DDX60: variants seen among roughly 807,000 people sequenced by gnomAD.
DDX60 encodes the protein probable ATP-dependent RNA helicase DDX60.
DDX60 carries 165 observed loss-of-function variants against 212.8 expected under a neutral mutation model. The ratio of observed to expected loss-of-function variants is 0.78; its 90% CI spans 0.68 to 0.88. The LOEUF (loss-of-function observed/expected upper bound fraction) is 0.88, where lower values mean the gene tolerates loss of function less well. DDX60 is among the 40% of genes least tolerant of loss of function. DDX60 has a pLI of 0.00. For missense variants in DDX60, 1,905 were observed against 2,003.9 expected, an observed-to-expected ratio of 0.95 and a Z score of 0.94; for synonymous variants, 703 against 685.3, an observed-to-expected ratio of 1.03 and a Z score of -0.40.
At chr4:168,280,176 G>A (rs76290576) in intron 14 of DDX60, among the ~76,000 whole-genome samples, 159 bp downstream of exon 14, 2,525 of 152,230 alleles carry the variant, frequency 0.017, 53 homozygotes, top group African/African-American at 0.055. Flanking sequence ...ACATACCCCC[G>A]GCAGGTAGCG....
intron 5 of DDX60, among the ~76,000 whole-genome samples, 169 bp from the exon 6 acceptor site, chr4:168,302,585 TG>T (rs1481494070): frequency 2.2e-4 from 33 of 152,252 alleles, no homozygotes; most frequent in Non-Finnish European, 4.1e-4. Flanking sequence ...ATCACTATTT[TG>T]TCTTTGAAAG....
intron 5 of DDX60, among the ~76,000 whole-genome samples, chr4:168,305,711 T>A (rs1390744155): frequency 6.6e-6 from 1 of 151,160 alleles, no homozygotes; most frequent in African/African-American, 2.4e-5. Flanking sequence ...TCCCAAAATT[T>A]CAATACAATA....
chr4:168,286,119 AGAAG>A (rs200798862), intron 10 of DDX60, among the ~76,000 whole-genome samples: 4,555 of 147,790 alleles, frequency 0.031, 101 homozygotes, highest in Non-Finnish European at 0.049. Context: ...AAGGAAGGAA[AGAAG>A]GAAGGAAGGA....
intron 9 of DDX60, among the ~76,000 whole-genome samples, chr4:168,287,445 C>T (rs1172011961): frequency 6.6e-6 from 1 of 152,092 alleles, no homozygotes; most frequent in Non-Finnish European, 1.5e-5. Context: ...AGCACATTAA[C>T]CCACAAACGC....
At chr4:168,319,125 A>C (rs1737536843), upstream of DDX60, among the ~76,000 whole-genome samples, 1 of 152,222 alleles carries the variant, frequency 6.6e-6, no homozygotes. Flanking sequence ...TTTGATCATC[A>C]CACAATGTAT....
At chr4:168,291,994 ACCTTT>A in intron 7 of DDX60, 88 bp from the exon 8 acceptor site, 2 of 778,698 alleles carry the variant, frequency 2.6e-6, no homozygotes, top group Non-Finnish European at 3.8e-6. Context: ...GCTGACAGCT[ACCTTT>A]GCTGTTCAGG....
chr4:168,244,121 G>A (rs1484455494), intron 30 of DDX60, among the ~76,000 whole-genome samples: 1 of 152,166 alleles, frequency 6.6e-6, no homozygotes, highest in Admixed American at 6.6e-5. Context: ...GAGAGGAAGA[G>A]CATCAGGAAA....
chr4:168,228,992 A>C (rs920774881), intron 33 of DDX60, among the ~76,000 whole-genome samples: 9 of 152,136 alleles, frequency 5.9e-5, no homozygotes, highest in African/African-American at 2.2e-4. Context: ...CCAAAATAAA[A>C]ATAAAAATAA....
At chr4:168,235,406 A>G (rs1165609160) in intron 33 of DDX60, among the ~76,000 whole-genome samples, 2 of 151,996 alleles carry the variant, frequency 1.3e-5, no homozygotes. Context: ...TTTTCAAAAT[A>G]GAGATAGTGA....
intron 30 of DDX60, among the ~76,000 whole-genome samples, chr4:168,242,439 A>G (rs1253383618): frequency 1.3e-5 from 2 of 152,198 alleles, no homozygotes. Context: ...AAAGCCATTG[A>G]AGTGAAGCTG....
intron 20 of DDX60, among the ~76,000 whole-genome samples, chr4:168,268,495 T>G (rs373088933): frequency 6.6e-6 from 1 of 152,124 alleles, no homozygotes; most frequent in African/African-American, 2.4e-5. Flanking sequence ...CTCTGTAAAG[T>G]GGGAAAATGG....
chr4:168,313,131 G>A (rs987194717), intron 1 of DDX60, among the ~76,000 whole-genome samples: 8 of 152,140 alleles, frequency 5.3e-5, no homozygotes, highest in African/African-American at 1.9e-4. Context: ...AGCAGAAATG[G>A]CACAGGAAGC....
chr4:168,285,725 AT>A (rs1735797155), intron 10 of DDX60, among the ~76,000 whole-genome samples: 1 of 146,754 alleles, frequency 6.8e-6, no homozygotes, highest in South Asian at 2.3e-4. Flanking sequence ...GTGGATATGC[AT>A]GGGGGATGGG....
intron 33 of DDX60, among the ~76,000 whole-genome samples, chr4:168,234,569 A>G (rs747273323): frequency 1.3e-5 from 2 of 151,808 alleles, no homozygotes; most frequent in African/African-American, 2.4e-5. Context: ...CTTTTTATCA[A>G]TTTTGTCTCT....
At chr4:168,270,104 T>C (rs10006979) in intron 19 of DDX60, among the ~76,000 whole-genome samples, 4,214 of 152,306 alleles carry the variant, frequency 0.028, 208 homozygotes, top group African/African-American at 0.095. Flanking sequence ...TCAGCTCCAG[T>C]GTCTAATAGA....
Position 168,273,331 on chromosome 4 carries a change from ACTT to A in DDX60, c.2519_2521del (p.Glu840del). 6.2e-7 allele frequency: 1 copy of A among 1,613,998 alleles called. No homozygotes were observed. Among genetic ancestry groups the A allele is most frequent in the Non-Finnish European group, 8.5e-7 (1 of 1,179,904 alleles). Reference sequence around the variant, plus strand: ...CTCCCTGGTGAAAACACCACAGAGAACTTCACCACTTGGCAGATTTTTCGTAAA... The same window carrying A: ...CTCCCTGGTGAAAACACCACAGAGAACACCACTTGGCAGATTTTTCGTAAA... On this transcript the variant is annotated inframe_deletion, in exon 18 of 38. Coordinates refer to ENST00000393743, the MANE Select transcript of DDX60 (RefSeq NM_017631.6).
chr4:168,295,840 A>G (rs1411343402), intron 6 of DDX60, among the ~76,000 whole-genome samples: 1 of 152,198 alleles, frequency 6.6e-6, no homozygotes, highest in Non-Finnish European at 1.5e-5. Context: ...AACGGGGGGA[A>G]ATCCTGTCAT....
chr4:168,291,011 CAA>C (rs1246129446), intron 8 of DDX60, among the ~76,000 whole-genome samples: 3 of 152,056 alleles, frequency 2.0e-5, no homozygotes, highest in Non-Finnish European at 4.4e-5. Flanking sequence ...AAGCCAAAAT[CAA>C]TAACCCCAAA....
chr4:168,233,747 T>C (rs955185871), intron 33 of DDX60, among the ~76,000 whole-genome samples: 1 of 152,116 alleles, frequency 6.6e-6, no homozygotes, highest in African/African-American at 2.4e-5. Context: ...GACTACACAT[T>C]GGGTGCAGTG....
Sources: gnomAD v4.1 joint callset for allele counts (sites outside exome capture counted in the v4.1 genomes callset) on GRCh38, gnomAD v4.1.1 for gene constraint, MANE v1.5 for transcripts, NCBI Gene and HGNC (gene_info 2026-07-23, HGNC 2026-07-21) for gene names.